Variants in ASTN2 observed in about 807,000 individuals in gnomAD.
ASTN2 encodes astrotactin-2.
A neutral mutation model predicts 139.8 loss-of-function variants in ASTN2; 54 were observed. The observed-to-expected ratio is 0.39, with a 90% CI of 0.31 to 0.48. The LOEUF (loss-of-function observed/expected upper bound fraction) is 0.48, where lower values mean the gene tolerates loss of function less well. ASTN2 is among the 20% of genes least tolerant of loss of function. The pLI, the probability that ASTN2 is intolerant of heterozygous loss-of-function variation, is 0.95. For synonymous variants in ASTN2, 756 were observed against 719.5 expected, an observed-to-expected ratio of 1.05 and a Z score of -0.81; for missense variants, 1,565 against 1,725.1, an observed-to-expected ratio of 0.91 and a Z score of 1.64.
At chr9:116,732,364 C>T (rs530442746) in intron 14 of ASTN2, among the ~76,000 whole-genome samples, 14 of 152,314 alleles carry the variant, frequency 9.2e-5, no homozygotes, top group Admixed American at 3.3e-4. Flanking sequence ...TGCTCTTTTA[C>T]AGGAAAGGCT....
chr9:116,644,368 C>T (rs986253346), intron 17 of ASTN2, among the ~76,000 whole-genome samples: 1 of 151,912 alleles, frequency 6.6e-6, no homozygotes, highest in African/African-American at 2.4e-5. Flanking sequence ...TCTGAAAACC[C>T]GAGGGCTGGA....
At chr9:116,439,232 G>C (rs1408847506) in intron 22 of ASTN2, among the ~76,000 whole-genome samples, 1 of 70,456 alleles carries the variant, frequency 1.4e-5, no homozygotes, top group Non-Finnish European at 2.4e-5. Context: ...ACGGAGTCTC[G>C]CTCTGTCGCC....
intron 13 of ASTN2, among the ~76,000 whole-genome samples, chr9:116,739,485 TC>T (rs1236616701): frequency 8.7e-5 from 3 of 34,590 alleles, no homozygotes; most frequent in Non-Finnish European, 2.9e-4. Context: ...GAATTTGCCC[TC>T]CCTCTGGAAT....
In ASTN2 at chr9:117,134,070, A is replaced by G. The variant is rs114909281; in HGVS notation, c.1168+7256T>C. On this transcript the variant is annotated intron_variant, in intron 4 of 22. Transcript: ENST00000313400. The stretch of plus-strand genomic sequence containing the variant: ...TCCCACCCAAAAATCCTTGGTAGGA[A>G]GGGAAGGCTGCTAAGAAGGACAAAG... Among the ~76,000 whole-genome samples, 985 of 152,020 alleles carry G rather than the reference A, an allele frequency of 6.5e-3. 9 individuals are homozygous for G. The highest frequency in any genetic ancestry group is 0.022 in the African/African-American group (929 of 41,446).
chr9:116,624,253 C>A (rs1255045222), intron 17 of ASTN2, among the ~76,000 whole-genome samples: 2 of 152,160 alleles, frequency 1.3e-5, no homozygotes, highest in African/African-American at 2.4e-5. Flanking sequence ...TCGTTCTTAA[C>A]CTCAATTTCC....
At chr9:116,659,156 C>T (rs1236362746) in intron 16 of ASTN2, among the ~76,000 whole-genome samples, 5 of 151,954 alleles carry the variant, frequency 3.3e-5, no homozygotes, top group Admixed American at 6.6e-5. Flanking sequence ...TCGTTTATAT[C>T]CTCATTATAG....
At chr9:116,544,598 TA>T (rs1852013452) in intron 19 of ASTN2, among the ~76,000 whole-genome samples, 1 of 152,200 alleles carries the variant, frequency 6.6e-6, no homozygotes, top group African/African-American at 2.4e-5. Flanking sequence ...GACAGTTACA[TA>T]TTTTTATTCA....
intron 18 of ASTN2, among the ~76,000 whole-genome samples, chr9:116,618,774 A>G (rs540880409): frequency 2.0e-5 from 3 of 152,312 alleles, no homozygotes; most frequent in African/African-American, 7.2e-5. Context: ...TATTTATACT[A>G]TATTCTCAAC....
intron 16 of ASTN2, among the ~76,000 whole-genome samples, chr9:116,672,892 T>C (rs1312968896): frequency 6.6e-6 from 1 of 152,228 alleles, no homozygotes; most frequent in East Asian, 1.9e-4. Context: ...TAGTTTATAT[T>C]ATTAATAATA....
At chr9:116,777,985 G>T (rs1830126665) in intron 13 of ASTN2, among the ~76,000 whole-genome samples, 1 of 152,048 alleles carries the variant, frequency 6.6e-6, no homozygotes, top group Non-Finnish European at 1.5e-5. Flanking sequence ...TGGGACTATA[G>T]GTGTGTGCCA....
At chr9:117,105,603 G>A (rs976071110) in intron 4 of ASTN2, among the ~76,000 whole-genome samples, 2 of 152,072 alleles carry the variant, frequency 1.3e-5, no homozygotes, top group Non-Finnish European at 2.9e-5. Flanking sequence ...TTGGTTTAAT[G>A]CACTAGCTTT....
chr9:116,946,596 C>T (rs907179615), intron 10 of ASTN2, among the ~76,000 whole-genome samples: 3 of 152,036 alleles, frequency 2.0e-5, no homozygotes, highest in African/African-American at 7.3e-5. Context: ...AAAATAGAAA[C>T]AGGGAAGGAG....
At chr9:117,092,325 C>G (rs1205225515) in intron 5 of ASTN2, among the ~76,000 whole-genome samples, 1 of 152,090 alleles carries the variant, frequency 6.6e-6, no homozygotes, top group African/African-American at 2.4e-5. Flanking sequence ...GGCCCTTAAC[C>G]AGTGCTGATC....
chr9:117,293,908 C>G (rs1389496232), intron 1 of ASTN2, among the ~76,000 whole-genome samples: 3 of 152,216 alleles, frequency 2.0e-5, no homozygotes, highest in African/African-American at 7.2e-5. Flanking sequence ...ACTCCACGTG[C>G]TGAGAGTCCC....
rs999882275 is a variant in ASTN2 at position 117,010,812 on chromosome 9, C to G, written c.1424-2553G>C. Among the ~76,000 whole-genome samples, 4 of 152,292 alleles carry G rather than the reference C, an allele frequency of 2.6e-5. No homozygotes were observed. The East Asian group carries it at 5.8e-4, about 22-fold the overall frequency. ...CCCTCAGCTGATCCCATGGGGAGAT[C>G]TGGGGCTGGGATGGTCCTTCAGTGA... On this transcript the variant is annotated intron_variant, in intron 6 of 22. Coordinates refer to ENST00000313400, the MANE Select transcript of ASTN2 (RefSeq NM_001365068.1).
chr9:116,877,474 A>C (rs1345596804), intron 10 of ASTN2, among the ~76,000 whole-genome samples: 1 of 152,240 alleles, frequency 6.6e-6, no homozygotes, highest in Non-Finnish European at 1.5e-5. Flanking sequence ...CTATAGCTAT[A>C]CATCTATGCC....
intron 16 of ASTN2, among the ~76,000 whole-genome samples, chr9:116,679,927 A>G (rs1050396051): frequency 2.0e-5 from 3 of 152,256 alleles, no homozygotes; most frequent in Non-Finnish European, 4.4e-5. Context: ...AGCAGGAAAG[A>G]TCTAAAATTG....
chr9:117,366,552 CCTCT>C (rs543883784), intron 1 of ASTN2, among the ~76,000 whole-genome samples: 3 of 152,042 alleles, frequency 2.0e-5, no homozygotes, highest in Non-Finnish European at 4.4e-5. Context: ...AGAAATCCCC[CCTCT>C]CTCTAACTCC....
At chr9:117,407,250 C>A (rs1227993619) in intron 1 of ASTN2, among the ~76,000 whole-genome samples, 1 of 152,138 alleles carries the variant, frequency 6.6e-6, no homozygotes, top group African/African-American at 2.4e-5. Flanking sequence ...TGTACTACTA[C>A]AATAGGGAGA....
Sources: gnomAD v4.1 joint callset for allele counts (sites outside exome capture counted in the v4.1 genomes callset) on GRCh38, gnomAD v4.1.1 for gene constraint, MANE v1.5 for transcripts, NCBI Gene and HGNC (gene_info 2026-07-23, HGNC 2026-07-21) for gene names.